The following TTLL12 variants were observed in gnomAD, a reference collection of about 807,000 sequenced individuals.
The protein encoded by TTLL12 is tubulin--tyrosine ligase-like protein 12.
A neutral mutation model predicts 79.6 loss-of-function variants in TTLL12; 77 were observed. That is an observed-to-expected ratio of 0.97 (90% confidence interval 0.81 to 1.17). The LOEUF is 1.17. TTLL12 is among the 50% of genes most tolerant of loss of function. TTLL12 has a pLI of 0.00. For synonymous variants in TTLL12, 437 were observed against 376.1 expected, an observed-to-expected ratio of 1.16 and a Z score of -1.87; for missense variants, 969 against 895.9, an observed-to-expected ratio of 1.08 and a Z score of -1.04.
At position 43,168,854 on chromosome 22, in the gene TTLL12, G is replaced by A. The variant is rs200317031; in HGVS notation, c.1703C>T (p.Pro568Leu). 6.2e-7 allele frequency: 1 copy of A among 1,608,590 alleles called. No homozygotes were observed. The highest frequency in any genetic ancestry group is 2.2e-5 in the East Asian group (1 of 44,614). ...TGAGGGGTAGTCGCAGAGGCCCAGGGGTGGTGGCTTGGCACAGGCCACCTG... is the reference window on the plus strand; with the variant it reads ...TGAGGGGTAGTCGCAGAGGCCCAGGAGTGGTGGCTTGGCACAGGCCACCTG... ...LFQVACAKPP[P>L]LGLCDYPSSR... Residue 568 changes from proline to leucine, a missense_variant, in exon 13 of 14, where the codon CCC (proline) becomes CTC (leucine). Transcript: ENST00000216129.
chr22:43,172,680 C>T, intron 9 of TTLL12, 126 bp from the exon 10 acceptor site: 1 of 1,049,600 alleles, frequency 9.5e-7, no homozygotes, highest in Non-Finnish European at 1.4e-6. Flanking sequence ...CTTTTCAAAC[C>T]TGCCTAAGTT....
intron 11 of TTLL12, 127 bp downstream of exon 11, chr22:43,171,692 G>T (rs1276068847): frequency 2.9e-6 from 2 of 696,786 alleles, no homozygotes; most frequent in Non-Finnish European, 4.9e-6. Context: ...TCCATAGCAG[G>T]AACTCAGGAG....
intron 1 of TTLL12, among the ~76,000 whole-genome samples, chr22:43,185,297 A>ATATATATATATG (rs1932156372): frequency 9.4e-6 from 1 of 106,128 alleles, no homozygotes; most frequent in African/African-American, 3.8e-5. Context: ...ATATATATAT[A>ATATATATATATG]TATGTATGTA....
intron 13 of TTLL12, 21 bp downstream of exon 13, chr22:43,168,753 G>A: frequency 1.3e-6 from 2 of 1,549,708 alleles, no homozygotes; most frequent in East Asian, 4.9e-5. Context: ...TTTGGATCAG[G>A]AGATGGGGAG....
At chr22:43,178,672 C>T (rs1931976355) in intron 5 of TTLL12, among the ~76,000 whole-genome samples, 1 of 152,162 alleles carries the variant, frequency 6.6e-6, no homozygotes, top group African/African-American at 2.4e-5. Context: ...TCCCGAAACC[C>T]TCCGAGGCAC....
In TTLL12 at chr22:43,186,972, G is replaced by A; in HGVS notation, c.98C>T (p.Ala33Val). 1 of 1,317,996 alleles carries A rather than the reference G, an allele frequency of 7.6e-7. No homozygotes were observed. The highest frequency in any genetic ancestry group is 1.9e-5 in the South Asian group (1 of 52,312). The allele number at this position is 1,317,996 out of a possible 1,614,324, so 81.6% of individuals were successfully genotyped here. ...EGAQALAEFA[A>V]LHGPALRASG... ...AGCGCGCAGCGCCGGGCCGTGCAGC[G>A]CCGCGAACTCGGCCAAGGCCTGCGC... The change falls in exon 1 of 14, where the codon GCG (alanine) becomes GTG (valine). Residue 33 changes from alanine (A) to valine (V), a missense_variant. Transcript: ENST00000216129.
intron 2 of TTLL12, among the ~76,000 whole-genome samples, chr22:43,182,104 C>T (rs924612904): frequency 4.1e-5 from 6 of 147,404 alleles, no homozygotes; most frequent in African/African-American, 1.5e-4. Context: ...CCTAGCCTCC[C>T]CACCACCCAA....
At chr22:43,180,388 C>A (rs1256673152) in intron 3 of TTLL12, among the ~76,000 whole-genome samples, 2 of 152,120 alleles carry the variant, frequency 1.3e-5, no homozygotes, top group Non-Finnish European at 2.9e-5. Flanking sequence ...GGTGTCTTTT[C>A]CCAAACTAAG....
chr22:43,185,299 A>C (rs1347292202), intron 1 of TTLL12, among the ~76,000 whole-genome samples: 3 of 90,908 alleles, frequency 3.3e-5, no homozygotes, highest in South Asian at 6.6e-4. Context: ...ATATATATAT[A>C]TGTATGTATC....
Position 43,166,851 on chromosome 22 carries a change from T to G in TTLL12, c.*1157A>C. The G allele has an allele frequency of 5.4e-6, 1 of 186,176 alleles. No homozygotes were observed. Among genetic ancestry groups the G allele is most frequent in the Non-Finnish European group, 1.1e-5 (1 of 88,012 alleles). The allele number at this position is 186,176 out of a possible 1,614,324, so 11.5% of individuals were successfully genotyped here. A position where few individuals can be genotyped will look rare whatever the true frequency, so the allele number is the denominator to read the frequency against. On this transcript the variant is annotated 3_prime_UTR_variant, in exon 14 of 14. Coordinates refer to ENST00000216129, the MANE Select transcript of TTLL12 (RefSeq NM_015140.4). ...GCAGCTTTGCTACAAGAAAGATAGT[T>G]CTTAATTTCAAAGAGGAGACACCGC...
intron 5 of TTLL12, among the ~76,000 whole-genome samples, chr22:43,178,868 A>G (rs1931980683): frequency 1.3e-5 from 2 of 152,324 alleles, no homozygotes; most frequent in African/African-American, 4.8e-5. Flanking sequence ...AATTGTAAGG[A>G]ACTGAGTGGC....
intron 6 of TTLL12, among the ~76,000 whole-genome samples, chr22:43,175,006 C>G (rs2147070149): frequency 6.6e-6 from 1 of 152,394 alleles, no homozygotes; most frequent in South Asian, 2.1e-4. Flanking sequence ...CGTGAGGCCT[C>G]TGCCCCAGAG....
intron 1 of TTLL12, among the ~76,000 whole-genome samples, chr22:43,185,268 T>C (rs1323349667): frequency 7.7e-5 from 2 of 26,104 alleles, no homozygotes; most frequent in African/African-American, 1.2e-4. Context: ...TATATATATA[T>C]ATATATATAT....
chr22:43,170,188 G>T (rs1176934378), intron 11 of TTLL12: 10 of 346,160 alleles, frequency 2.9e-5, no homozygotes, highest in Non-Finnish European at 5.7e-5. Flanking sequence ...AGCTCCAGGA[G>T]AGGACTCCCG....
At chr22:43,176,293 C>A (rs1172945994) in intron 6 of TTLL12, 27 bp downstream of exon 6, 16 of 1,538,678 alleles carry the variant, frequency 1.0e-5, no homozygotes, top group Admixed American at 2.0e-5. Context: ...CAAGTCCCAG[C>A]CCAAGCAGTG....
In TTLL12 at chr22:43,167,222, T is replaced by G. The variant is rs575030814; in HGVS notation, c.*786A>C. The stretch of plus-strand genomic sequence containing the variant: ...CCAGGCGCCCCTTGCCGAAGGATCC[T>G]GGCCCATCTCACACAAGGGCGGGAC... On this transcript the variant is annotated 3_prime_UTR_variant, in exon 14 of 14. Coordinates refer to ENST00000216129, the MANE Select transcript of TTLL12 (RefSeq NM_015140.4). 3 of 531,098 alleles carry G rather than the reference T, an allele frequency of 5.6e-6. No homozygotes were observed. The highest frequency in any genetic ancestry group is 1.9e-5 in the Admixed American group (1 of 51,418). 32.9% of individuals were successfully genotyped at this position (531,098 alleles called of 1,614,324 possible). A position where few individuals can be genotyped will look rare whatever the true frequency, so the allele number is the denominator to read the frequency against.
At chr22:43,173,465 C>A (rs957450603) in intron 9 of TTLL12, among the ~76,000 whole-genome samples, 1 of 152,216 alleles carries the variant, frequency 6.6e-6, no homozygotes, top group Non-Finnish European at 1.5e-5. Flanking sequence ...TGTGTGCCAA[C>A]ATGCCCAGAT....
At chr22:43,170,513 C>T (rs1265461863) in intron 11 of TTLL12, among the ~76,000 whole-genome samples, 1 of 152,202 alleles carries the variant, frequency 6.6e-6, no homozygotes, top group Non-Finnish European at 1.5e-5. Flanking sequence ...CAATCGCCGC[C>T]ACAGTTAGCA....
At position 43,168,855 on chromosome 22, in the gene TTLL12, G is replaced by A. The variant is rs1263000483; in HGVS notation, c.1702C>T (p.Pro568Ser). 1.2e-6 allele frequency: 2 copies of A among 1,608,654 alleles called. No individual in the cohort carries two copies. Among genetic ancestry groups the A allele is most frequent in the African/African-American group, 2.7e-5 (2 of 74,846 alleles). The change falls in exon 13 of 14, where the codon CCC becomes TCC. Residue 568 changes from proline (P) to serine (S), a missense_variant. Pro to Ser is a moderately conservative substitution (Grantham distance 74). Transcript: ENST00000216129. ...GAGGGGTAGTCGCAGAGGCCCAGGG[G>A]TGGTGGCTTGGCACAGGCCACCTGG... ...LFQVACAKPP[P>S]LGLCDYPSSR... is the part of the protein sequence containing the mutation.
Sources: allele counts gnomAD v4.1 joint callset (sites outside exome capture counted in the v4.1 genomes callset), GRCh38; gene constraint gnomAD v4.1.1; transcripts MANE v1.5; gene names NCBI Gene and HGNC (gene_info 2026-07-23, HGNC 2026-07-21).